WASF2: variants seen among roughly 807,000 people sequenced by gnomAD.
WASF2 encodes the protein actin-binding protein WASF2.
In WASF2, 14 loss-of-function variants were observed where a neutral mutation model predicts 45.0. The ratio of observed to expected loss-of-function variants is 0.31; its 90% CI spans 0.21 to 0.49. The LOEUF is 0.49. Among genes scored for constraint, WASF2 ranks in the 20% least tolerant of loss-of-function variants. The pLI, the probability that WASF2 is intolerant of heterozygous loss-of-function variation, is 0.99. For synonymous variants in WASF2, 200 were observed against 236.3 expected (o/e 0.85, Z 1.41); for missense variants, 439 against 636.1 (o/e 0.69, Z 3.33).
chr1:27,452,376 G>C (rs993803134), intron 1 of WASF2, among the ~76,000 whole-genome samples: 1 of 151,866 alleles, frequency 6.6e-6, no homozygotes, highest in African/African-American at 2.4e-5. Context: ...AGCTGGGCGT[G>C]GTGGTGCGCA....
chr1:27,444,001 G>C (rs560199298), intron 1 of WASF2, among the ~76,000 whole-genome samples: 1 of 151,972 alleles, frequency 6.6e-6, no homozygotes, highest in Non-Finnish European at 1.5e-5. Context: ...GGCTGGTCTC[G>C]AACTCCTGAC....
At chr1:27,449,593 C>T (rs1571145072) in intron 1 of WASF2, among the ~76,000 whole-genome samples, 1 of 148,886 alleles carries the variant, frequency 6.7e-6, no homozygotes, top group African/African-American at 2.5e-5. Context: ...AGCGAGACTC[C>T]ATCTCAAAAA....
chr1:27,481,671 A>G (rs577090719), intron 1 of WASF2, among the ~76,000 whole-genome samples: 1 of 151,584 alleles, frequency 6.6e-6, no homozygotes, highest in African/African-American at 2.4e-5. Context: ...CAGTGAGCCA[A>G]CATCATCGGG....
chr1:27,460,691 T>C (rs2017532274), intron 1 of WASF2, among the ~76,000 whole-genome samples: 3 of 152,164 alleles, frequency 2.0e-5, no homozygotes, highest in Non-Finnish European at 4.4e-5. Flanking sequence ...CCAATCATAG[T>C]CCCATAGCCA....
At chr1:27,436,454 C>T (rs72653300) in intron 1 of WASF2, among the ~76,000 whole-genome samples, 2,079 of 151,906 alleles carry the variant, frequency 0.014, 22 homozygotes, top group Non-Finnish European at 0.021. Flanking sequence ...CAGACCCTGT[C>T]TCAAAAAGAA....
At chr1:27,468,646 G>GA (rs889720471) in intron 1 of WASF2, among the ~76,000 whole-genome samples, 58 of 132,478 alleles carry the variant, frequency 4.4e-4, no homozygotes, top group Admixed American at 4.6e-4. Flanking sequence ...CGTCTCCGGG[G>GA]AAAAAAAAAA....
At chr1:27,474,768 C>T (rs556312790) in intron 1 of WASF2, among the ~76,000 whole-genome samples, 2 of 150,090 alleles carry the variant, frequency 1.3e-5, no homozygotes, top group East Asian at 3.9e-4. Flanking sequence ...CGAGACTCTG[C>T]CTCAAAAAAA....
chr1:27,441,671 G>A (rs573429960), intron 1 of WASF2, among the ~76,000 whole-genome samples: 7 of 148,478 alleles, frequency 4.7e-5, no homozygotes, highest in South Asian at 4.3e-4. Flanking sequence ...GGAGAATGGC[G>A]GGAACCTGGG....
chr1:27,444,693 A>T (rs556112072), intron 1 of WASF2, among the ~76,000 whole-genome samples: 1 of 152,344 alleles, frequency 6.6e-6, no homozygotes, highest in South Asian at 2.1e-4. Context: ...ACTGAAAAAG[A>T]TGGATGGCCT....
intron 1 of WASF2, among the ~76,000 whole-genome samples, chr1:27,435,426 A>C (rs1320935265): frequency 6.6e-6 from 1 of 152,052 alleles, no homozygotes; most frequent in Non-Finnish European, 1.5e-5. Context: ...CTCTGCAAAA[A>C]ATTTTAAAAA....
chr1:27,408,831 GGGAGGGGAGGGAAGA>G (rs2016715240), intron 8 of WASF2, among the ~76,000 whole-genome samples: 2 of 152,008 alleles, frequency 1.3e-5, no homozygotes, highest in Admixed American at 1.3e-4. Flanking sequence ...GGGAGGGAAG[GGGAGGGGAGGGAAGA>G]GGAGAAAAGA....
At position 27,418,996 on chromosome 1, in the gene WASF2, G is replaced by A. The variant is rs1413234634; in HGVS notation, c.223C>T (p.Leu75=). ...TCCAGCTGAGTGACTTTAACCTGTA[G>A]TCGGTCGACCCTCTCAGCAAGGGAG... The part of the protein sequence containing the change: ...VSSLAERVDR[L]QVKVTQLDPK... The change falls in exon 3 of 9, where the codon CTA becomes TTA. Residue 75 remains leucine (L), a synonymous_variant. Coordinates refer to ENST00000618852, the MANE Select transcript of WASF2 (RefSeq NM_006990.5). The A allele has an allele frequency of 3.1e-6, 5 of 1,613,872 alleles. No homozygotes were observed. Among genetic ancestry groups the A allele is most frequent in the Non-Finnish European group, 4.2e-6 (5 of 1,179,986 alleles).
At position 27,412,637 on chromosome 1, in the gene WASF2, G is replaced by A. The variant is rs779241369; in HGVS notation, c.759C>T (p.Asp253=). Residue 253 remains aspartate (D), a synonymous_variant, in exon 7 of 9, where the codon GAC becomes GAT. Coordinates refer to ENST00000618852, the MANE Select transcript of WASF2 (RefSeq NM_006990.5). ...AGGAAGGAGAAGGTGAAGAAGCAGA[G>A]TCTGACTGTGGTGGTGGCGGATAGC... ...ASSYPPPPQS[D]SASSPSPSFS... is the part of the protein sequence containing the mutation. 4 of 1,614,248 alleles carry A rather than the reference G, an allele frequency of 2.5e-6. No individual in the cohort carries two copies. Among genetic ancestry groups the A allele is most frequent in the Non-Finnish European group, 3.4e-6 (4 of 1,180,046 alleles).
At chr1:27,461,528 T>G (rs912372332) in intron 1 of WASF2, among the ~76,000 whole-genome samples, 1 of 150,436 alleles carries the variant, frequency 6.6e-6, no homozygotes, top group South Asian at 2.1e-4. Flanking sequence ...TGACGACGGA[T>G]CTTGGCTCAC....
chr1:27,477,322 G>T (rs984343474), intron 1 of WASF2, among the ~76,000 whole-genome samples: 1 of 151,710 alleles, frequency 6.6e-6, no homozygotes, highest in Non-Finnish European at 1.5e-5. Context: ...GGCAGATCAC[G>T]TGAGGCCAGG....
At chr1:27,412,978 T>A (rs1266384967) in intron 6 of WASF2, among the ~76,000 whole-genome samples, 1 of 152,250 alleles carries the variant, frequency 6.6e-6, no homozygotes, top group Non-Finnish European at 1.5e-5. Context: ...ATCAAAACCA[T>A]GCTGTTCCTT....
chr1:27,450,254 G>A (rs376010787), intron 1 of WASF2, among the ~76,000 whole-genome samples: 1 of 152,120 alleles, frequency 6.6e-6, no homozygotes, highest in African/African-American at 2.4e-5. Context: ...TGTAAAGAGA[G>A]AAAAATGATA....
Position 27,485,106 on chromosome 1 carries a change from C to T in WASF2, c.-44+4880G>A, listed in dbSNP as rs1043359293. Among the ~76,000 whole-genome samples, 4 of 151,948 alleles carry T rather than the reference C, an allele frequency of 2.6e-5. No individual in the cohort carries two copies. In the East Asian group the frequency reaches 7.7e-4, roughly 29 times the overall value. Reference sequence around the variant, plus strand: ...CAGAGGTAGCAGTGAGCCAAGATTGCGCCATTGTACTCCAGGCTGGGCAAT... The same window carrying T: ...CAGAGGTAGCAGTGAGCCAAGATTGTGCCATTGTACTCCAGGCTGGGCAAT... On this transcript the variant is annotated intron_variant, in intron 1 of 8. Transcript: ENST00000618852.
intron 2 of WASF2, among the ~76,000 whole-genome samples, chr1:27,419,830 A>G (rs2016881618): frequency 6.6e-6 from 1 of 152,178 alleles, no homozygotes; most frequent in South Asian, 2.1e-4. Flanking sequence ...CCCTGAGCTT[A>G]TCAACAAGCC....
Sources: gnomAD v4.1 joint callset for allele counts (sites outside exome capture counted in the v4.1 genomes callset) on GRCh38, gnomAD v4.1.1 for gene constraint, MANE v1.5 for transcripts, NCBI Gene and HGNC (gene_info 2026-07-23, HGNC 2026-07-21) for gene names.